Variants in SATB2 observed in about 807,000 individuals in gnomAD.
SATB2 encodes SATB homeobox 2.
SATB2 carries 1 observed loss-of-function variant against 73.4 expected under a neutral mutation model. The ratio of observed to expected loss-of-function variants is 0.01; its 90% confidence interval spans 0.00 to 0.06. The LOEUF (loss-of-function observed/expected upper bound fraction) is 0.06, where lower values mean the gene tolerates loss of function less well. SATB2 is among the 10% of genes least tolerant of loss of function. The probability of loss-of-function intolerance (pLI) is 1.00; values close to 1 mark genes in which losing one functional copy is unlikely to be tolerated. For synonymous variants in SATB2, 397 were observed against 367.0 expected, an observed-to-expected ratio of 1.08 and a Z score of -0.93; for missense variants, 459 against 945.8, an observed-to-expected ratio of 0.49 and a Z score of 6.75.
upstream of SATB2, among the ~76,000 whole-genome samples, chr2:199,460,217 A>C (rs1372082273): frequency 6.6e-6 from 1 of 152,188 alleles, no homozygotes; most frequent in Non-Finnish European, 1.5e-5. This position sits in a 1 kb window ranked among gnomAD's most constrained non-coding sequence, Gnocchi z 4.0. Context: ...GGTGAGAGCA[A>C]AAATGGGTCT....
At chr2:199,360,639 C>T (rs1689111398) in intron 6 of SATB2, among the ~76,000 whole-genome samples, 1 of 152,140 alleles carries the variant, frequency 6.6e-6, no homozygotes, top group African/African-American at 2.4e-5. Flanking sequence ...TTATCTGAGC[C>T]TCAAATCCAT....
chr2:199,386,714 GCGCACACACACACACACACACACACACA>G (rs1689967908), intron 3 of SATB2, among the ~76,000 whole-genome samples: 50 of 22,568 alleles, frequency 2.2e-3, no homozygotes, highest in Non-Finnish European at 2.6e-3. Flanking sequence ...GCGCGCGCGC[GCGCACACACACACACACACACACACACA>G]CACACACACA....
intron 3 of SATB2, among the ~76,000 whole-genome samples, chr2:199,389,148 C>T (rs905606634): frequency 6.6e-6 from 1 of 151,852 alleles, no homozygotes; most frequent in Non-Finnish European, 1.5e-5. Context: ...GTTATTATTG[C>T]TAAAGCTGTG....
intron 6 of SATB2, among the ~76,000 whole-genome samples, chr2:199,361,127 C>G (rs1476094733): frequency 6.6e-6 from 1 of 152,162 alleles, no homozygotes; most frequent in African/African-American, 2.4e-5. Context: ...AAAATTTATT[C>G]TCCATCCTGT....
chr2:199,312,269 C>A (rs1395639963), intron 9 of SATB2, among the ~76,000 whole-genome samples: 1 of 152,182 alleles, frequency 6.6e-6, no homozygotes, highest in Non-Finnish European at 1.5e-5. Flanking sequence ...TACAGAAGTT[C>A]ATCTGGTTTC....
At chr2:199,355,583 G>C (rs1275815163) in intron 6 of SATB2, among the ~76,000 whole-genome samples, 1 of 151,930 alleles carries the variant, frequency 6.6e-6, no homozygotes, top group Non-Finnish European at 1.5e-5. Context: ...AGGAAAGGTA[G>C]AAAGAAAAGC....
At chr2:199,304,682 G>A (rs1007748603) in intron 10 of SATB2, among the ~76,000 whole-genome samples, 1 of 152,186 alleles carries the variant, frequency 6.6e-6, no homozygotes, top group Non-Finnish European at 1.5e-5. Flanking sequence ...GATGTGACAG[G>A]ATCTAGCTTA....
intron 3 of SATB2, among the ~76,000 whole-genome samples, chr2:199,382,430 C>T (rs748373921): frequency 6.6e-6 from 1 of 152,178 alleles, no homozygotes. Context: ...CCTCAAGTTC[C>T]TTTCTTTTTT....
chr2:199,321,553 T>TACAC (rs913846475), intron 9 of SATB2, among the ~76,000 whole-genome samples: 1 of 151,510 alleles, frequency 6.6e-6, no homozygotes. Flanking sequence ...TGTATATATA[T>TACAC]ACACACATAC....
intron 10 of SATB2, among the ~76,000 whole-genome samples, chr2:199,302,514 G>A (rs1441883537): frequency 6.6e-6 from 1 of 152,112 alleles, no homozygotes; most frequent in African/African-American, 2.4e-5. Context: ...CTTCCCAAGT[G>A]AGGACCTACT....
chr2:199,347,765 T>TCTGGTTAC (rs1336272029), intron 7 of SATB2: 3 of 152,248 alleles, frequency 2.0e-5, no homozygotes, highest in Non-Finnish European at 4.4e-5. Flanking sequence ...ACTCTAATTA[T>TCTGGTTAC]CTGGTTACCT....
intron 2 of SATB2, among the ~76,000 whole-genome samples, chr2:199,440,106 AAATAAT>A (rs899763660): frequency 6.6e-6 from 1 of 151,990 alleles, no homozygotes; most frequent in African/African-American, 2.4e-5. Context: ...ACTCTGCCTC[AAATAAT>A]AATAATAATA....
intron 5 of SATB2, among the ~76,000 whole-genome samples, chr2:199,371,985 C>A (rs969237547): frequency 6.6e-6 from 1 of 152,120 alleles, no homozygotes; most frequent in African/African-American, 2.4e-5. Flanking sequence ...GTATAATGGG[C>A]AACTGCGGCA....
intron 1 of SATB2, among the ~76,000 whole-genome samples, chr2:199,456,314 T>C (rs1405726904): frequency 1.3e-5 from 2 of 152,196 alleles, no homozygotes; most frequent in African/African-American, 4.8e-5. Context: ...CTCTGCCCAG[T>C]CGCAGCTCCC....
At chr2:199,379,028 C>T (rs773770542) in intron 5 of SATB2, among the ~76,000 whole-genome samples, 3 of 152,180 alleles carry the variant, frequency 2.0e-5, no homozygotes, top group Non-Finnish European at 4.4e-5. Flanking sequence ...TTCCCTTCAA[C>T]TTAACAGACA....
chr2:199,365,874 CGTTT>C (rs771370451), intron 6 of SATB2, among the ~76,000 whole-genome samples: 4 of 151,566 alleles, frequency 2.6e-5, no homozygotes, highest in African/African-American at 4.8e-5. Context: ...ATTATTTTAC[CGTTT>C]ATTTATTTCT....
intron 10 of SATB2, among the ~76,000 whole-genome samples, chr2:199,274,134 A>G (rs1206408654): frequency 6.6e-6 from 1 of 152,214 alleles, no homozygotes; most frequent in East Asian, 1.9e-4. Context: ...TTCTCCTTTT[A>G]CTATTCTCTC....
intron 6 of SATB2, among the ~76,000 whole-genome samples, chr2:199,352,472 T>TAA (rs1010842702): frequency 6.6e-5 from 10 of 152,188 alleles, no homozygotes; most frequent in African/African-American, 2.4e-4. Context: ...AGGTTATATA[T>TAA]AATCATTCTT....
At chr2:199,318,712 T>A (rs1251036997) in intron 9 of SATB2, among the ~76,000 whole-genome samples, 1 of 152,066 alleles carries the variant, frequency 6.6e-6, no homozygotes, top group African/African-American at 2.4e-5. Context: ...AAATATAAAT[T>A]ATTTCTTTAA....
Sources: gnomAD v4.1 joint callset for allele counts (sites outside exome capture counted in the v4.1 genomes callset) on GRCh38, gnomAD v4.1.1 for gene constraint, Gnocchi (gnomAD v3.1) non-coding constraint, MANE v1.5 for transcripts, NCBI Gene and HGNC (gene_info 2026-07-23, HGNC 2026-07-21) for gene names.